Variants in RNF180 observed in about 807,000 individuals in gnomAD.
The protein encoded by RNF180 is ring finger protein 180.
A neutral mutation model predicts 59.2 loss-of-function variants in RNF180; 38 were observed. The observed-to-expected ratio is 0.64, with a 90% CI of 0.50 to 0.84. The LOEUF (loss-of-function observed/expected upper bound fraction) is 0.84, where lower values mean the gene tolerates loss of function less well. Ranked by LOEUF, RNF180 falls within the 40% of genes least tolerant of loss-of-function variation. The pLI is 0.00. For missense variants in RNF180, 705 were observed against 700.9 expected, an observed-to-expected ratio of 1.01 and a Z score of -0.07; for synonymous variants, 262 against 240.3, an observed-to-expected ratio of 1.09 and a Z score of -0.84.
chr5:64,176,333 TTTTA>T (rs759650094), intron 1 of RNF180, among the ~76,000 whole-genome samples: 9 of 152,128 alleles, frequency 5.9e-5, no homozygotes, highest in Non-Finnish European at 1.0e-4. Flanking sequence ...TCATTTCTAA[TTTTA>T]TTTGAGTCTC....
At chr5:64,328,432 A>G (rs993078066) in intron 6 of RNF180, among the ~76,000 whole-genome samples, 85 of 152,250 alleles carry the variant, frequency 5.6e-4, no homozygotes, top group African/African-American at 2.0e-3. Flanking sequence ...GTGGACTTTA[A>G]TAAAACAGCT....
chr5:64,321,090 C>T (rs1486983592), intron 5 of RNF180, among the ~76,000 whole-genome samples: 1 of 151,846 alleles, frequency 6.6e-6, no homozygotes, highest in East Asian at 1.9e-4. Context: ...GGAAGCATTC[C>T]ATTTGAAAAC....
chr5:64,189,799 A>G (rs1751046807), intron 1 of RNF180, among the ~76,000 whole-genome samples: 1 of 152,204 alleles, frequency 6.6e-6, no homozygotes, highest in Admixed American at 6.5e-5. Flanking sequence ...CCATAATACT[A>G]TGATGGGATT....
intron 5 of RNF180, among the ~76,000 whole-genome samples, chr5:64,223,810 A>G (rs1315726675): frequency 6.6e-6 from 1 of 152,160 alleles, no homozygotes; most frequent in African/African-American, 2.4e-5. Flanking sequence ...TCAAGTATTG[A>G]GGATACAACA....
chr5:64,337,097 C>G (rs1346581373), intron 7 of RNF180, among the ~76,000 whole-genome samples: 1 of 151,792 alleles, frequency 6.6e-6, no homozygotes, highest in Non-Finnish European at 1.5e-5. Flanking sequence ...GATCGGCAGC[C>G]TCAACCTTCC....
intron 5 of RNF180, among the ~76,000 whole-genome samples, chr5:64,253,387 A>G (rs907062598): frequency 3.3e-5 from 5 of 152,104 alleles, no homozygotes; most frequent in African/African-American, 1.2e-4. Context: ...AACCATCACA[A>G]CTAGTGTTCT....
upstream of RNF180, among the ~76,000 whole-genome samples, chr5:64,165,633 G>C (rs1749581418): frequency 6.6e-6 from 1 of 152,212 alleles, no homozygotes; most frequent in African/African-American, 2.4e-5. Flanking sequence ...GGTTCCGTCT[G>C]GCCCGCGGCG....
At chr5:64,289,213 A>T (rs1431266961) in intron 5 of RNF180, among the ~76,000 whole-genome samples, 1 of 152,188 alleles carries the variant, frequency 6.6e-6, no homozygotes, top group East Asian at 1.9e-4. Flanking sequence ...GAATACATTG[A>T]ACCACCCAAG....
intron 5 of RNF180, among the ~76,000 whole-genome samples, chr5:64,314,526 C>T (rs752440484): frequency 1.3e-5 from 2 of 152,116 alleles, no homozygotes; most frequent in South Asian, 2.1e-4. Flanking sequence ...TCTTATTACA[C>T]CTTTTGGTCT....
intron 7 of RNF180, among the ~76,000 whole-genome samples, chr5:64,357,391 C>G (rs1194922162): frequency 6.6e-6 from 1 of 151,712 alleles, no homozygotes; most frequent in African/African-American, 2.4e-5. Flanking sequence ...TGTGCTTTAA[C>G]CTTTTATCCG....
intron 1 of RNF180, among the ~76,000 whole-genome samples, chr5:64,169,951 G>T (rs950869275): frequency 3.3e-5 from 5 of 152,232 alleles, no homozygotes; most frequent in African/African-American, 1.2e-4. Context: ...AATGCCTCTT[G>T]GCAGTGTTCT....
At chr5:64,179,732 GTTTCCT>G (rs1428250292) in intron 1 of RNF180, among the ~76,000 whole-genome samples, 3 of 151,982 alleles carry the variant, frequency 2.0e-5, no homozygotes, top group African/African-American at 7.2e-5. Context: ...CATATGATAT[GTTTCCT>G]TATTCATATA....
rs937777771 is a variant in RNF180, at chr5:64,212,134, G to A, written c.205G>A (p.Glu69Lys). The change falls in exon 3 of 8, where the codon GAA becomes AAA. Residue 69 changes from glutamate (E) to lysine (K), a missense_variant. Glu to Lys is a moderately conservative substitution (Grantham distance 56, BLOSUM62 1). Transcript: ENST00000389100. The stretch of plus-strand genomic sequence containing the variant: ...GCACATGAATGTAGAAGCCCTTCCA[G>A]AATGGATAAGCTGCCTAATCCAAAA... ...VWHMNVEALP[E>K]WISCLIQKAQ... 1 of 1,600,382 alleles carries A rather than the reference G, an allele frequency of 6.2e-7. No individual in the cohort carries two copies. Among genetic ancestry groups the A allele is most frequent in the Non-Finnish European group, 8.6e-7 (1 of 1,167,766 alleles).
intron 5 of RNF180, among the ~76,000 whole-genome samples, chr5:64,323,410 G>A (rs749183843): frequency 1.3e-5 from 2 of 151,928 alleles, no homozygotes; most frequent in African/African-American, 2.4e-5. Flanking sequence ...GCACCATGCC[G>A]CATGCCTGTA....
chr5:64,323,113 C>T (rs537601838), intron 5 of RNF180, among the ~76,000 whole-genome samples: 2 of 152,300 alleles, frequency 1.3e-5, no homozygotes, highest in East Asian at 1.9e-4. Context: ...AAGGAACATG[C>T]TCCTGACAAG....
intron 5 of RNF180, among the ~76,000 whole-genome samples, chr5:64,237,570 G>A (rs980837310): frequency 6.6e-6 from 1 of 152,100 alleles, no homozygotes; most frequent in African/African-American, 2.4e-5. Context: ...GGGATGGCTG[G>A]GAAGGCATGA....
chr5:64,200,705 C>G, intron 1 of RNF180, 103 bp from the exon 2 acceptor site: 1 of 931,354 alleles, frequency 1.1e-6, no homozygotes, highest in Admixed American at 2.4e-5. Context: ...AATGATAGTT[C>G]CCTGCTTTAC....
intron 5 of RNF180, among the ~76,000 whole-genome samples, chr5:64,288,958 T>A (rs1394494914): frequency 6.6e-6 from 1 of 152,226 alleles, no homozygotes; most frequent in Non-Finnish European, 1.5e-5. Context: ...AGGGCATCCT[T>A]ATCTTGTACC....
intron 5 of RNF180, among the ~76,000 whole-genome samples, chr5:64,249,538 C>T (rs1037369808): frequency 1.3e-5 from 2 of 151,192 alleles, no homozygotes; most frequent in Non-Finnish European, 2.9e-5. Context: ...ATCAAATCTG[C>T]CTTATAAGAA....
Sources: gnomAD v4.1 joint callset for allele counts (sites outside exome capture counted in the v4.1 genomes callset) on GRCh38, gnomAD v4.1.1 for gene constraint, MANE v1.5 for transcripts, NCBI Gene and HGNC (gene_info 2026-07-23, HGNC 2026-07-21) for gene names.